Variants in EYS observed in about 807,000 individuals in gnomAD.
The protein encoded by EYS is EGF-like photoreceptor maintenance factor.
Under a neutral mutation model 282.1 loss-of-function variants are expected in EYS, and 250 were observed. That is an observed-to-expected ratio of 0.89 (90% CI 0.80 to 0.98). The LOEUF (loss-of-function observed/expected upper bound fraction) is 0.98. Among genes scored for constraint, EYS ranks in the 50% least tolerant of loss-of-function variants. The probability of loss-of-function intolerance (pLI) is 0.00; values close to 1 mark genes in which losing one functional copy is unlikely to be tolerated. For synonymous variants in EYS, 1,355 were observed against 1,282.9 expected, an observed-to-expected ratio of 1.06 and a Z score of -1.20; for missense variants, 4,016 against 3,709.0, an observed-to-expected ratio of 1.08 and a Z score of -2.15.
At position 64,886,841 on chromosome 6, in the gene EYS, A is replaced by G; in HGVS notation, c.2848T>C (p.Phe950Leu). The stretch of plus-strand genomic sequence containing the variant: ...TACTCAGGTTCACAATTACAAAAAA[A>G]TCTGGAGAAAAGTGGAGAAATGAGG... ...NGTCVDLTNRFFCNCEPEYHG... is the reference protein window; with the variant it reads ...NGTCVDLTNRLFCNCEPEYHG... The change falls in exon 19 of 43, where the codon TTT becomes CTT. Residue 950 changes from phenylalanine to leucine, a missense_variant and splice_region_variant. Physicochemically the swap from Phe to Leu is conservative, Grantham distance 22. Coordinates refer to ENST00000503581, the MANE Select transcript of EYS (RefSeq NM_001142800.2). 6.6e-7 allele frequency: 1 copy of G among 1,515,066 alleles called. No individual in the cohort carries two copies. Among genetic ancestry groups the G allele is most frequent in the Admixed American group, 2.2e-5 (1 of 45,134 alleles). The allele number at this position is 1,515,066 out of a possible 1,614,324, so 93.9% of individuals were successfully genotyped here. A position where few individuals can be genotyped will look rare whatever the true frequency, so the allele number is the denominator to read the frequency against.
chr6:64,101,822 G>T (rs1261198982), intron 31 of EYS, among the ~76,000 whole-genome samples: 1 of 151,802 alleles, frequency 6.6e-6, no homozygotes, highest in Non-Finnish European at 1.5e-5. Flanking sequence ...CCATAACATA[G>T]AATCAGTGGG....
At chr6:64,605,500 A>C (rs1582946456) in intron 24 of EYS, among the ~76,000 whole-genome samples, 1 of 152,056 alleles carries the variant, frequency 6.6e-6, no homozygotes, top group East Asian at 1.9e-4. Flanking sequence ...GCAAATTATC[A>C]GTGTGACTAA....
chr6:64,269,672 A>G (rs1767875364), intron 30 of EYS, among the ~76,000 whole-genome samples: 1 of 152,082 alleles, frequency 6.6e-6, no homozygotes, highest in African/African-American at 2.4e-5. Context: ...GATTTTTAGG[A>G]TACCACATTA....
At chr6:64,221,976 CAA>C (rs952833526) in intron 31 of EYS, among the ~76,000 whole-genome samples, 1 of 152,022 alleles carries the variant, frequency 6.6e-6, no homozygotes, top group African/African-American at 2.4e-5. Context: ...TGAGATTACA[CAA>C]AGTTTCCATT....
chr6:64,838,617 TACAC>T (rs56901295), intron 19 of EYS, among the ~76,000 whole-genome samples: 8,976 of 149,666 alleles, frequency 0.06, 288 homozygotes, highest in East Asian at 0.17. Flanking sequence ...TCTGTTTCTC[TACAC>T]ACACACACAC....
chr6:64,993,417 G>A (rs531438260), intron 14 of EYS, among the ~76,000 whole-genome samples: 9 of 151,812 alleles, frequency 5.9e-5, no homozygotes, highest in South Asian at 2.1e-4. Flanking sequence ...ATGAGTTCAC[G>A]TCCTTTGTAG....
At chr6:64,829,787 G>A (rs1765162072) in intron 19 of EYS, among the ~76,000 whole-genome samples, 1 of 151,960 alleles carries the variant, frequency 6.6e-6, no homozygotes, top group African/African-American at 2.4e-5. Context: ...GAACCAGGGG[G>A]TAAAAGTGAG....
rs577000027 is a variant in EYS at position 63,864,273 on chromosome 6, C to T, written c.7141G>A (p.Gly2381Arg). 6.4e-6 allele frequency: 10 copies of T among 1,551,428 alleles called. No homozygotes were observed. In the South Asian group the frequency reaches 9.5e-5, roughly 15 times the overall value. ...QFASCENNPC[G>R]NGATCVPKSG... ...TTTGGAACACAGGTGGCACCATTTC[C>T]ACATGGGTTGTTTTCACAACTTGCA... is the stretch of plus-strand genomic sequence containing the variant. Residue 2381 changes from glycine to arginine, a missense_variant, in exon 36 of 43, where the codon GGA becomes AGA. Gly to Arg is a moderately radical substitution (Grantham distance 125, BLOSUM62 -2). Transcript: ENST00000503581.
At chr6:65,449,150 T>C (rs571798154) in intron 5 of EYS, among the ~76,000 whole-genome samples, 1 of 152,232 alleles carries the variant, frequency 6.6e-6, no homozygotes, top group Non-Finnish European at 1.5e-5. Flanking sequence ...TTTTGCCTTC[T>C]GAGGCTTCTG....
At chr6:64,775,052 G>A (rs1057185816) in intron 22 of EYS, among the ~76,000 whole-genome samples, 4 of 151,952 alleles carry the variant, frequency 2.6e-5, no homozygotes, top group East Asian at 3.9e-4. Flanking sequence ...AGAGATGTCC[G>A]TGACAGATAA....
Position 65,232,485 on chromosome 6 carries a change from A to G in EYS, c.2023+63378T>C, listed in dbSNP as rs181886886. ...TAACATGCTCTATAATAATAAGGAT[A>G]AAATCTTTTTTTATGCCTCAGTCTC... On this transcript the variant is annotated intron_variant, in intron 12 of 42. Coordinates refer to ENST00000503581, the MANE Select transcript of EYS (RefSeq NM_001142800.2). Among the ~76,000 whole-genome samples, 260 of 152,204 alleles carry G rather than the reference A, an allele frequency of 1.7e-3. 2 individuals carry two copies. Among genetic ancestry groups the G allele is most frequent in the African/African-American group, 5.9e-3 (244 of 41,570 alleles).
At chr6:63,923,070 T>C (rs1562097544) in intron 35 of EYS, among the ~76,000 whole-genome samples, 1 of 152,344 alleles carries the variant, frequency 6.6e-6, no homozygotes, top group African/African-American at 2.4e-5. Flanking sequence ...ATTGTAAGTT[T>C]GCTAAAGTAA....
chr6:64,375,286 TC>T (rs1772526584), intron 29 of EYS, among the ~76,000 whole-genome samples: 1 of 152,208 alleles, frequency 6.6e-6, no homozygotes, highest in Non-Finnish European at 1.5e-5. Flanking sequence ...TTTGTCATTT[TC>T]TTCATCCACT....
chr6:65,501,111 G>C (rs1766436745), intron 2 of EYS, among the ~76,000 whole-genome samples: 1 of 151,860 alleles, frequency 6.6e-6, no homozygotes, highest in African/African-American at 2.4e-5. Context: ...GTATTAAAGA[G>C]TACTTATTAG....
At position 64,909,108 on chromosome 6, in the gene EYS, T is replaced by C. The variant is rs144224793; in HGVS notation, c.2641+3376A>G. Among the ~76,000 whole-genome samples, 156 of 152,288 alleles carry C rather than the reference T, an allele frequency of 1.0e-3. 1 individual carries two copies. Among genetic ancestry groups the C allele is most frequent in the African/African-American group, 3.7e-3 (154 of 41,578 alleles). ...TTAATTAACTGGTATGTCTCTCCCT[T>C]AAACTTTCAATTCCTTGAGGGCATA... On this transcript the variant is annotated intron_variant, in intron 16 of 42. Transcript: ENST00000503581.
Position 65,196,164 on chromosome 6 carries a change from T to C in EYS, c.2023+99699A>G, listed in dbSNP as rs539780577. 2.6e-5 allele frequency among the ~76,000 whole-genome samples: 4 copies of C among 152,146 alleles called. No homozygotes were observed. In the South Asian group the frequency reaches 8.3e-4, roughly 32 times the overall value. On this transcript the variant is annotated intron_variant, in intron 12 of 42. Coordinates refer to ENST00000503581, the MANE Select transcript of EYS (RefSeq NM_001142800.2). ...ATAATTTTGTTCACCCATAAAGCTA[T>C]TATTTCCCAAACGAGTGCTACTAGA...
chr6:63,813,060 C>T (rs564574989), intron 36 of EYS, among the ~76,000 whole-genome samples: 1 of 152,244 alleles, frequency 6.6e-6, no homozygotes, highest in South Asian at 2.1e-4. Context: ...CTCACTGCAA[C>T]CTCCATCTCC....
At chr6:65,004,165 A>G (rs767981602) in intron 13 of EYS, among the ~76,000 whole-genome samples, 2 of 147,558 alleles carry the variant, frequency 1.4e-5, no homozygotes, top group African/African-American at 2.4e-5. Context: ...AAGGGTGAAT[A>G]TTTTTAAAAA....
chr6:64,081,240 A>C (rs1030704353), intron 32 of EYS, among the ~76,000 whole-genome samples: 5 of 152,186 alleles, frequency 3.3e-5, no homozygotes, highest in Admixed American at 6.5e-5. Flanking sequence ...AACAATTGTC[A>C]AATTTTGAAT....
Sources: gnomAD v4.1 joint callset for allele counts (sites outside exome capture counted in the v4.1 genomes callset) on GRCh38, gnomAD v4.1.1 for gene constraint, MANE v1.5 for transcripts, NCBI Gene and HGNC (gene_info 2026-07-23, HGNC 2026-07-21) for gene names.